TRAPPC9: variants seen among roughly 807,000 people sequenced by gnomAD.
TRAPPC9 encodes the protein IKK2 binding protein.
TRAPPC9 carries 83 observed loss-of-function variants against 124.0 expected under a neutral mutation model. The observed-to-expected ratio is 0.67, with a 90% CI of 0.56 to 0.80. The LOEUF is 0.80. Ranked by LOEUF, TRAPPC9 falls within the 30% of genes least tolerant of loss-of-function variation. The pLI is 0.00. For synonymous variants in TRAPPC9, 638 were observed against 617.5 expected (o/e 1.03, Z -0.49); for missense variants, 1,302 against 1,508.3 (o/e 0.86, Z 2.27).
intron 21 of TRAPPC9, among the ~76,000 whole-genome samples, chr8:139,863,845 T>C (rs904908075): frequency 1.3e-5 from 2 of 152,164 alleles, no homozygotes; most frequent in Non-Finnish European, 2.9e-5. Flanking sequence ...GGAGGGGATA[T>C]GGAGCGGGCA....
At chr8:140,456,787 A>T in intron 1 of TRAPPC9, 1 of 985,152 alleles carries the variant, frequency 1.0e-6, no homozygotes, top group Non-Finnish European at 1.2e-6. Context: ...AAGGGAAGTC[A>T]CTCCCCCATA....
chr8:140,245,399 G>C (rs1361035621), intron 16 of TRAPPC9, among the ~76,000 whole-genome samples: 1 of 152,020 alleles, frequency 6.6e-6, no homozygotes, highest in African/African-American at 2.4e-5. Context: ...AGCTGTGCCT[G>C]TTTTTAAATG....
At chr8:140,367,345 T>C (rs1052619928) in intron 8 of TRAPPC9, among the ~76,000 whole-genome samples, 2 of 152,210 alleles carry the variant, frequency 1.3e-5, no homozygotes, top group Non-Finnish European at 2.9e-5. Context: ...ATTAGGTGAA[T>C]GTATAAATAA....
At chr8:139,978,098 G>A (rs1285278278) in intron 19 of TRAPPC9, among the ~76,000 whole-genome samples, 3 of 151,928 alleles carry the variant, frequency 2.0e-5, no homozygotes, top group South Asian at 2.1e-4. Context: ...GGCTGGTCTC[G>A]AACTCCTGGC....
At chr8:140,440,699 C>T (rs1052152573) in intron 2 of TRAPPC9, among the ~76,000 whole-genome samples, 2 of 152,088 alleles carry the variant, frequency 1.3e-5, no homozygotes, top group Non-Finnish European at 1.5e-5. Context: ...GCAAACCTTT[C>T]ACAGGATGCT....
At chr8:139,795,164 G>GGCCC (rs1478672875) in intron 21 of TRAPPC9, among the ~76,000 whole-genome samples, 1 of 152,138 alleles carries the variant, frequency 6.6e-6, no homozygotes, top group African/African-American at 2.4e-5. Context: ...GTCCCCCATG[G>GGCCC]GCCCTGCTGG....
At chr8:139,877,857 A>G (rs1474035783) in intron 21 of TRAPPC9, among the ~76,000 whole-genome samples, 2 of 152,216 alleles carry the variant, frequency 1.3e-5, no homozygotes, top group South Asian at 4.1e-4. Context: ...CTTGACCATC[A>G]GCTGAAGTCA....
chr8:139,766,415 C>A (rs1425070738), intron 21 of TRAPPC9, among the ~76,000 whole-genome samples: 1 of 152,254 alleles, frequency 6.6e-6, no homozygotes, highest in African/African-American at 2.4e-5. Context: ...ATCCTCCTAC[C>A]TCAACAGTTG....
intron 20 of TRAPPC9, among the ~76,000 whole-genome samples, chr8:139,893,266 C>T (rs1220279881): frequency 1.3e-5 from 2 of 152,316 alleles, no homozygotes; most frequent in South Asian, 2.1e-4. Flanking sequence ...CACGGCGTGC[C>T]GCAGACCTGG....
At chr8:140,014,146 G>T (rs1040809634) in intron 18 of TRAPPC9, among the ~76,000 whole-genome samples, 2 of 152,288 alleles carry the variant, frequency 1.3e-5, no homozygotes, top group East Asian at 3.9e-4. Flanking sequence ...TATCAATAAT[G>T]TCGTAACGAT....
At chr8:140,210,074 T>C (rs2063020725) in intron 17 of TRAPPC9, among the ~76,000 whole-genome samples, 1 of 152,212 alleles carries the variant, frequency 6.6e-6, no homozygotes. Context: ...CTAAATCTCC[T>C]CGGCGTCACA....
intron 19 of TRAPPC9, among the ~76,000 whole-genome samples, chr8:139,945,525 AATTGAC>A (rs1322788436): frequency 3.2e-5 from 4 of 125,376 alleles, no homozygotes; most frequent in Non-Finnish European, 6.3e-5. Flanking sequence ...TGCTCTCCAC[AATTGAC>A]AGCACAATTA....
At chr8:140,251,283 G>A (rs964450129) in intron 16 of TRAPPC9, among the ~76,000 whole-genome samples, 1 of 152,090 alleles carries the variant, frequency 6.6e-6, no homozygotes, top group Admixed American at 6.6e-5. Flanking sequence ...CCCCTTCTTG[G>A]GAAGAAGAAG....
At chr8:140,029,155 G>C (rs1840341990) in intron 17 of TRAPPC9, among the ~76,000 whole-genome samples, 1 of 152,166 alleles carries the variant, frequency 6.6e-6, no homozygotes, top group Non-Finnish European at 1.5e-5. Flanking sequence ...AAGGAATCAA[G>C]GAGAAACAGA....
chr8:139,920,243 G>A (rs1336732225), intron 19 of TRAPPC9, among the ~76,000 whole-genome samples: 1 of 152,238 alleles, frequency 6.6e-6, no homozygotes, highest in Non-Finnish European at 1.5e-5. Context: ...CTACTCTGGA[G>A]GCTGAGGCAG....
chr8:140,373,397 G>C (rs2068339602), intron 7 of TRAPPC9, among the ~76,000 whole-genome samples: 6 of 152,192 alleles, frequency 3.9e-5, no homozygotes, highest in Admixed American at 3.9e-4. Flanking sequence ...AGCCACATCT[G>C]GCTCTCCCTT....
chr8:139,855,849 G>A (rs1827767684), intron 21 of TRAPPC9, among the ~76,000 whole-genome samples: 1 of 152,214 alleles, frequency 6.6e-6, no homozygotes, highest in South Asian at 2.1e-4. Flanking sequence ...TGAGGCACGG[G>A]CCAAGCCATA....
intron 17 of TRAPPC9, among the ~76,000 whole-genome samples, chr8:140,070,969 CAG>C (rs1409521342): frequency 6.6e-6 from 1 of 152,228 alleles, no homozygotes; most frequent in Non-Finnish European, 1.5e-5. Flanking sequence ...CAGGCCTTGG[CAG>C]CACTCGGCCA....
intron 19 of TRAPPC9, chr8:139,931,794 T>C (rs1177890692): frequency 5.8e-6 from 1 of 173,326 alleles, no homozygotes; most frequent in Non-Finnish European, 1.2e-5. Flanking sequence ...ACAAGTGCCA[T>C]GCGGTAGAAG....
Sources: gnomAD v4.1 joint callset for allele counts (sites outside exome capture counted in the v4.1 genomes callset) on GRCh38, gnomAD v4.1.1 for gene constraint, MANE v1.5 for transcripts, NCBI Gene and HGNC (gene_info 2026-07-23, HGNC 2026-07-21) for gene names.